The following MUC7 variants were observed in gnomAD, a reference collection of about 807,000 sequenced individuals.
MUC7 encodes the protein mucin-7.
Under a neutral mutation model 2.5 loss-of-function variants are expected in MUC7, and 2 were observed. The ratio of observed to expected loss-of-function variants is 0.81; its 90% confidence interval spans 0.33 to 2.55. The LOEUF is 2.55. MUC7 is among the 30% of genes most tolerant of loss of function. The pLI, the probability that MUC7 is intolerant of heterozygous loss-of-function variation, is 0.11. For missense variants in MUC7, 408 were observed against 455.6 expected (o/e 0.90, Z 0.95); for synonymous variants, 133 against 173.4 (o/e 0.77, Z 1.83).
chr4:70,468,609 A>G (rs1177833398), upstream of MUC7, among the ~76,000 whole-genome samples: 2 of 152,202 alleles, frequency 1.3e-5, no homozygotes, highest in Non-Finnish European at 2.9e-5. Flanking sequence ...ATTCCTATAC[A>G]CTAATAATAG....
chr4:70,456,990 T>G (rs182998413), intron 1 of MUC7, among the ~76,000 whole-genome samples: 2 of 152,126 alleles, frequency 1.3e-5, no homozygotes, highest in African/African-American at 4.8e-5. Flanking sequence ...TAATACACAA[T>G]CATGCTATTT....
intron 1 of MUC7, among the ~76,000 whole-genome samples, chr4:70,452,107 T>G (rs1734294127): frequency 6.6e-6 from 1 of 152,206 alleles, no homozygotes; most frequent in Admixed American, 6.5e-5. Context: ...GCATAGAATA[T>G]ATATTTTCAT....
Position 70,482,887 on chromosome 4 carries a change from A to G in MUC7, c.*1009A>G, listed in dbSNP as rs1175728976. 4 of 152,366 alleles carry G rather than the reference A, an allele frequency of 2.6e-5. No individual in the cohort carries two copies. In the South Asian group the frequency reaches 6.2e-4, roughly 24 times the overall value. 9.4% of individuals were successfully genotyped at this position (152,366 alleles called of 1,614,324 possible). ...AAAGTTAGCTACTTGGTATACGGAG[A>G]TGTTAATTTGGGATATGGAGGCATT... On this transcript the variant is annotated 3_prime_UTR_variant, in exon 3 of 3. Transcript: ENST00000304887.
intron 1 of MUC7, among the ~76,000 whole-genome samples, chr4:70,466,269 T>C (rs977224233): frequency 4.6e-5 from 7 of 152,016 alleles, no homozygotes; most frequent in African/African-American, 1.7e-4. Flanking sequence ...GCACTAAACA[T>C]GGAAAGGAAT....
chr4:70,454,700 G>A (rs1734372618), intron 1 of MUC7, among the ~76,000 whole-genome samples: 1 of 152,018 alleles, frequency 6.6e-6, no homozygotes, highest in Non-Finnish European at 1.5e-5. Flanking sequence ...TCCTGTTGTG[G>A]GGGACTATCA....
intron 1 of MUC7, among the ~76,000 whole-genome samples, chr4:70,457,083 G>T (rs1275625944): frequency 1.3e-5 from 2 of 152,178 alleles, no homozygotes; most frequent in Non-Finnish European, 2.9e-5. Flanking sequence ...GGTAATTAAG[G>T]GAATGGGGAT....
At chr4:70,460,447 A>G (rs545772555) in intron 1 of MUC7, among the ~76,000 whole-genome samples, 3 of 148,624 alleles carry the variant, frequency 2.0e-5, no homozygotes, top group African/African-American at 4.9e-5. Context: ...GGTGAATAAT[A>G]TACATGAAAG....
intron 1 of MUC7, chr4:70,430,746 T>G (rs745675677): frequency 9.9e-5 from 15 of 152,152 alleles, no homozygotes; most frequent in Non-Finnish European, 1.6e-4. Flanking sequence ...GGTTATTTTT[T>G]TAAGCATTGC....
chr4:70,475,019 C>T (rs1577914933), intron 2 of MUC7, among the ~76,000 whole-genome samples: 1 of 152,142 alleles, frequency 6.6e-6, no homozygotes. Context: ...TGGCTCATGC[C>T]TGTAGTCCCA....
chr4:70,455,990 A>T (rs1187496255), intron 1 of MUC7, among the ~76,000 whole-genome samples: 1 of 152,146 alleles, frequency 6.6e-6, no homozygotes, highest in African/African-American at 2.4e-5. Flanking sequence ...CCTAATTTCC[A>T]TGTGAGACCT....
chr4:70,442,371 G>A (rs1352642774), intron 1 of MUC7, among the ~76,000 whole-genome samples: 1 of 152,068 alleles, frequency 6.6e-6, no homozygotes, highest in Admixed American at 6.5e-5. Flanking sequence ...GAGTAATAAT[G>A]AGCCAGGTCT....
At chr4:70,474,473 C>A (rs1160637457) in intron 2 of MUC7, among the ~76,000 whole-genome samples, 1 of 152,132 alleles carries the variant, frequency 6.6e-6, no homozygotes, top group Non-Finnish European at 1.5e-5. Context: ...CGTAATCATA[C>A]CACTATGCCA....
At position 70,449,898 on chromosome 4, in the gene MUC7, C is replaced by A. The variant is rs565806793; in HGVS notation, c.-93+19211C>A. Among the ~76,000 whole-genome samples the A allele has an allele frequency of 4.6e-5, 7 of 152,310 alleles. No individual in the cohort carries two copies. In the South Asian group the frequency reaches 1.4e-3, roughly 32 times the overall value. On this transcript the variant is annotated intron_variant, in intron 1 of 3. Transcript: ENST00000413702. Reference sequence around the variant, plus strand: ...CCACTATGACCATGCTGGGTCAGACCTGAAGCAAGCACAGCTCTGGGTCTT... The same window carrying A: ...CCACTATGACCATGCTGGGTCAGACATGAAGCAAGCACAGCTCTGGGTCTT...
chr4:70,460,338 A>C (rs2109725692), intron 1 of MUC7, among the ~76,000 whole-genome samples: 1 of 152,366 alleles, frequency 6.6e-6, no homozygotes, highest in Non-Finnish European at 1.5e-5. Context: ...TGGTTCCATA[A>C]ACTAATAGAA....
At position 70,480,987 on chromosome 4, in the gene MUC7, C is replaced by A. The variant is rs763802351; in HGVS notation, c.243C>A (p.Pro81=). The A allele has an allele frequency of 1.2e-6, 2 of 1,614,070 alleles. No homozygotes were observed. The highest frequency in any genetic ancestry group is 1.1e-5 in the South Asian group (1 of 91,078). ...AGCTTCCACCTTCACCTAATAACCC[C>A]CCCAAATTCCCAAATCCTCACCAGC... ...RPKLPPSPNN[P]PKFPNPHQPP... is the part of the protein sequence containing the mutation. Residue 81 remains proline, a synonymous_variant, in exon 3 of 3, where the codon CCC becomes CCA. Transcript: ENST00000304887.
intron 1 of MUC7, among the ~76,000 whole-genome samples, chr4:70,457,722 G>A (rs1397581235): frequency 1.3e-5 from 2 of 151,882 alleles, no homozygotes; most frequent in Non-Finnish European, 2.9e-5. Context: ...AAATGAAATA[G>A]ACAAATTTAA....
intron 1 of MUC7, among the ~76,000 whole-genome samples, chr4:70,455,731 G>A (rs1734395396): frequency 6.6e-6 from 1 of 152,078 alleles, no homozygotes; most frequent in African/African-American, 2.4e-5. Flanking sequence ...GGAATCAAAA[G>A]GTGTATGTGG....
chr4:70,465,410 T>G (rs574382495), intron 1 of MUC7, among the ~76,000 whole-genome samples: 1 of 152,196 alleles, frequency 6.6e-6, no homozygotes, highest in East Asian at 1.9e-4. Flanking sequence ...TTTGACAAAT[T>G]GACAGAAGTA....
chr4:70,460,988 G>A (rs1464069363), intron 1 of MUC7, among the ~76,000 whole-genome samples: 1 of 152,178 alleles, frequency 6.6e-6, no homozygotes, highest in Non-Finnish European at 1.5e-5. Context: ...GTGGGTAGAG[G>A]ATCTCTCCCA....
Sources: gnomAD v4.1 joint callset for allele counts (sites outside exome capture counted in the v4.1 genomes callset) on GRCh38, gnomAD v4.1.1 for gene constraint, MANE v1.5 for transcripts, NCBI Gene and HGNC (gene_info 2026-07-23, HGNC 2026-07-21) for gene names.